Variants in ACAD11 observed in about 807,000 individuals in gnomAD.
The protein encoded by ACAD11 is acyl-CoA dehydrogenase family member 11, also known as acyl-Coenzyme A dehydrogenase family, member 11.
A neutral mutation model predicts 102.2 loss-of-function variants in ACAD11; 83 were observed. The observed-to-expected ratio is 0.81, with a 90% CI of 0.68 to 0.97. ACAD11 has a LOEUF of 0.97. Among genes scored for constraint, ACAD11 ranks in the 50% least tolerant of loss-of-function variants. ACAD11 has a pLI of 0.00. For missense variants in ACAD11, 901 were observed against 951.7 expected (o/e 0.95, Z 0.70); for synonymous variants, 324 against 319.8 (o/e 1.01, Z -0.14).
intron 4 of ACAD11, among the ~76,000 whole-genome samples, chr3:132,640,848 C>T (rs1303506220): frequency 1.3e-5 from 2 of 152,070 alleles, no homozygotes; most frequent in African/African-American, 4.8e-5. Flanking sequence ...TCTTCCTTAA[C>T]CCCCACAAAA....
chr3:132,614,881 AACAGGCCACCT>A (rs1939338712), intron 11 of ACAD11, among the ~76,000 whole-genome samples: 1 of 152,242 alleles, frequency 6.6e-6, no homozygotes, highest in African/African-American at 2.4e-5. Context: ...CACCAGAGTG[AACAGGCCACCT>A]ACAGAATGGG....
intron 13 of ACAD11, among the ~76,000 whole-genome samples, chr3:132,583,830 G>T (rs906286104): frequency 7.2e-5 from 11 of 152,162 alleles, no homozygotes; most frequent in African/African-American, 1.9e-4. Context: ...TCAGGAGCAG[G>T]TTGTTCAGTT....
At chr3:132,561,925 T>C (rs1937070189) in intron 17 of ACAD11, among the ~76,000 whole-genome samples, 1 of 152,180 alleles carries the variant, frequency 6.6e-6, no homozygotes, top group South Asian at 2.1e-4. Flanking sequence ...TCATATAGCA[T>C]GTATTGTTTT....
At position 132,559,914 on chromosome 3, in the gene ACAD11, C is replaced by T. The variant is rs757017604; in HGVS notation, c.2147G>A (p.Arg716Gln). 1.2e-5 allele frequency: 20 copies of T among 1,612,982 alleles called. No individual in the cohort carries two copies. The highest frequency in any genetic ancestry group is 3.3e-5 in the Admixed American group (2 of 59,970). The change falls in exon 19 of 20, where the codon CGG (arginine) becomes CAG (glutamine). Residue 716 changes from arginine (R) to glutamine (Q), a missense_variant. By Grantham distance (43) the Arg-to-Gln change is conservative. Transcript: ENST00000264990. Reference protein sequence around the residue: ...EIAMIKVAAPRAVSKIVDWAI... With the variant: ...EIAMIKVAAPQAVSKIVDWAI... Reference sequence around the variant, plus strand: ...CCAGTCAACGATTTTGCTGACAGCCCGTGGGGCAGCCACTTTGATCATTGC... The same window carrying T: ...CCAGTCAACGATTTTGCTGACAGCCTGTGGGGCAGCCACTTTGATCATTGC...
intron 9 of ACAD11, among the ~76,000 whole-genome samples, chr3:132,623,527 T>A (rs904254827): frequency 3.3e-5 from 5 of 152,048 alleles, no homozygotes; most frequent in Non-Finnish European, 7.4e-5. Context: ...TTTTTTCAAT[T>A]TTTTTAAAAG....
chr3:132,582,620 CTATGTAATACA>C (rs1372884650), intron 13 of ACAD11, among the ~76,000 whole-genome samples: 2 of 151,294 alleles, frequency 1.3e-5, no homozygotes, highest in African/African-American at 4.9e-5. Flanking sequence ...TTCCCCACTT[CTATGTAATACA>C]TAACTCCAGA....
chr3:132,579,447 T>C (rs776638874), intron 14 of ACAD11, 45 bp downstream of exon 14: 4 of 1,482,132 alleles, frequency 2.7e-6, no homozygotes, highest in Middle Eastern at 1.9e-4. Context: ...GGAGGAAGAC[T>C]GGCTCATTCC....
At chr3:132,659,172 C>G (rs369516647) in intron 1 of ACAD11, among the ~76,000 whole-genome samples, 1 of 152,250 alleles carries the variant, frequency 6.6e-6, no homozygotes, top group East Asian at 1.9e-4. Context: ...AGCTAGTACT[C>G]GAATTCGGAT....
intron 1 of ACAD11, chr3:132,650,021 C>T (rs1304650763): frequency 1.3e-5 from 2 of 152,138 alleles, no homozygotes; most frequent in Non-Finnish European, 2.9e-5. Flanking sequence ...CATGGAAACA[C>T]TGAGTATTTG....
intron 11 of ACAD11, among the ~76,000 whole-genome samples, chr3:132,606,215 A>G (rs946352006): frequency 6.6e-6 from 1 of 152,226 alleles, no homozygotes; most frequent in African/African-American, 2.4e-5. Flanking sequence ...TGAGTTGTGT[A>G]AGTTAAACTT....
rs138848605 is a variant in ACAD11 at position 132,657,670 on chromosome 3, C to T, written c.149+1933G>A. The stretch of plus-strand genomic sequence containing the variant: ...TAGGTAATTTATATTTTTGATGCTC[C>T]TGTAAGTTTTTGAAAATTACATTTT... On this transcript the variant is annotated intron_variant, in intron 1 of 19. Coordinates refer to ENST00000264990, the MANE Select transcript of ACAD11 (RefSeq NM_032169.5). Among the ~76,000 whole-genome samples the T allele has an allele frequency of 7.0e-4, 106 of 152,162 alleles. 1 individual carries two copies. The highest frequency in any genetic ancestry group is 2.0e-3 in the African/African-American group (83 of 41,506).
intron 12 of ACAD11, among the ~76,000 whole-genome samples, chr3:132,603,765 C>A (rs1938717281): frequency 6.6e-6 from 1 of 152,178 alleles, no homozygotes; most frequent in African/African-American, 2.4e-5. Flanking sequence ...AATGCCTTCA[C>A]TGATTTATAT....
At chr3:132,581,383 T>C (rs1230730511) in intron 13 of ACAD11, among the ~76,000 whole-genome samples, 1 of 151,926 alleles carries the variant, frequency 6.6e-6, no homozygotes, top group Non-Finnish European at 1.5e-5. Context: ...AGGGAGTAAG[T>C]CAAGAGAAAG....
At chr3:132,642,369 T>A (rs1940557694) in intron 3 of ACAD11, among the ~76,000 whole-genome samples, 1 of 152,130 alleles carries the variant, frequency 6.6e-6, no homozygotes, top group Admixed American at 6.5e-5. Flanking sequence ...CTATGTGGAG[T>A]CTGTTTTCCC....
At chr3:132,576,855 G>T in intron 16 of ACAD11, 89 bp downstream of exon 16, 1 of 942,884 alleles carries the variant, frequency 1.1e-6, no homozygotes, top group Non-Finnish European at 1.7e-6. Context: ...TAGACTTCAG[G>T]TCTAAATCTG....
Position 132,644,871 on chromosome 3 carries a change from A to G in ACAD11, c.175T>C (p.Tyr59His). The G allele has an allele frequency of 6.2e-7, 1 of 1,610,694 alleles. No homozygotes were observed. The highest frequency in any genetic ancestry group is 1.7e-5 in the Admixed American group (1 of 59,620). Reference protein sequence around the residue: ...YRAGKSNPTFYLQKGFQTYVL... With the variant: ...YRAGKSNPTFHLQKGFQTYVL... ...TATGTTTGAAAGCCCTTCTGGAGAT[A>G]AAAGGTTGGATTGGACTTTCCTGCT... Residue 59 changes from tyrosine (Y) to histidine (H), a missense_variant, in exon 2 of 20, where the codon TAT (tyrosine) becomes CAT (histidine). Transcript: ENST00000264990.
chr3:132,582,465 A>G (rs899281872), intron 13 of ACAD11, among the ~76,000 whole-genome samples: 2 of 151,996 alleles, frequency 1.3e-5, no homozygotes, highest in Admixed American at 6.6e-5. Flanking sequence ...AAAAACATTA[A>G]AGAAAAAAAC....
chr3:132,582,956 T>G (rs978399951), intron 13 of ACAD11, among the ~76,000 whole-genome samples: 2 of 152,132 alleles, frequency 1.3e-5, no homozygotes, highest in South Asian at 2.1e-4. Flanking sequence ...GACAGAAAAT[T>G]TTTTAACAAC....
chr3:132,631,286 G>C, intron 6 of ACAD11, 55 bp downstream of exon 6: 1 of 1,100,428 alleles, frequency 9.1e-7, no homozygotes, highest in Non-Finnish European at 1.2e-6. Context: ...AATTATGAAA[G>C]TAATAAAGAC....
Sources: allele counts gnomAD v4.1 joint callset (sites outside exome capture counted in the v4.1 genomes callset), GRCh38; gene constraint gnomAD v4.1.1; transcripts MANE v1.5; gene names NCBI Gene and HGNC (gene_info 2026-07-23, HGNC 2026-07-21).